Variants in KIF23 observed in about 807,000 individuals in gnomAD.
The protein encoded by KIF23 is kinesin family member 23.
A neutral mutation model predicts 137.5 loss-of-function variants in KIF23; 30 were observed. The ratio of observed to expected loss-of-function variants is 0.22; its 90% CI spans 0.16 to 0.30. The LOEUF is 0.30. KIF23 is among the 10% of genes least tolerant of loss of function. The probability of loss-of-function intolerance (pLI) is 1.00; values close to 1 mark genes in which losing one functional copy is unlikely to be tolerated. For missense variants in KIF23, 920 were observed against 1,194.3 expected (o/e 0.77, Z 3.38); for synonymous variants, 367 against 391.1 (o/e 0.94, Z 0.73).
chr15:69,416,320 A>G (rs1047870541), intron 2 of KIF23, among the ~76,000 whole-genome samples: 4 of 152,170 alleles, frequency 2.6e-5, no homozygotes, highest in African/African-American at 9.7e-5. Context: ...TATAATTTGG[A>G]GAGTTAGATA....
chr15:69,446,959 T>A lies in KIF23; in HGVS notation c.2909+18T>A. On this transcript the variant is annotated intron_variant, in intron 23 of 23. Coordinates refer to ENST00000679126, the MANE Select transcript of KIF23 (RefSeq NM_001367805.3). ...CAACCCAAGTGAGTACTGACTGTAA[T>A]TGGGGTCTTGCTGTGTGCTTTTTTC... 1 of 1,610,652 alleles carries A rather than the reference T, an allele frequency of 6.2e-7. No individual in the cohort carries two copies.
At chr15:69,419,352 G>T (rs181829642) in intron 3 of KIF23, among the ~76,000 whole-genome samples, 143 of 152,234 alleles carry the variant, frequency 9.4e-4, no homozygotes, top group Middle Eastern at 3.4e-3. Flanking sequence ...ACCTTTCAAA[G>T]AATAAAATCT....
rs1290343291 is a variant in KIF23, at chr15:69,441,065, G to A, written c.2407G>A (p.Asp803Asn). The A allele has an allele frequency of 1.9e-6, 3 of 1,610,674 alleles. No homozygotes were observed. In the South Asian group the frequency reaches 3.3e-5, roughly 18 times the overall value. The change falls in exon 19 of 24, where the codon GAT becomes AAT. Residue 803 changes from aspartate to asparagine, a missense_variant. Physicochemically the swap from Asp to Asn is conservative, Grantham distance 23 (BLOSUM62 1). Around this residue, in one of 4 missense-constraint regions of KIF23, gnomAD observed 714 missense variants for 866.2 expected, o/e 0.82. Transcript: ENST00000679126. Reference sequence around the variant, plus strand: ...CAGAAATGAGATAGAAATAGAAGAGGATCATTGCGGCAGGGTTAGTGCCAG... The same window carrying A: ...CAGAAATGAGATAGAAATAGAAGAGAATCATTGCGGCAGGGTTAGTGCCAG... ...TFRNEIEIEE[D>N]HCGRLLFQPD...
At chr15:69,415,955 TGA>T in intron 1 of KIF23, 37 bp from the exon 2 acceptor site, 1 of 1,426,834 alleles carries the variant, frequency 7.0e-7, no homozygotes, top group Non-Finnish European at 9.5e-7. Flanking sequence ...CGTGTTGAAC[TGA>T]AAAAAAAGTT....
chr15:69,443,434 G>A (rs1262685744), intron 19 of KIF23, among the ~76,000 whole-genome samples: 1 of 138,940 alleles, frequency 7.2e-6, no homozygotes, highest in African/African-American at 2.7e-5. Context: ...GACCTTCCAG[G>A]CTCAAGTGAT....
chr15:69,423,050 C>A (rs1044043840), intron 6 of KIF23, 109 bp from the exon 7 acceptor site: 1 of 716,182 alleles, frequency 1.4e-6, no homozygotes. Context: ...CCGCCTGCCT[C>A]GGCCTCCCAA....
At chr15:69,417,533 T>C (rs905303169) in intron 3 of KIF23, 22 bp downstream of exon 3, 29 of 1,602,858 alleles carry the variant, frequency 1.8e-5, no homozygotes, top group Non-Finnish European at 2.5e-5. Context: ...TTGGACCAAG[T>C]TGTTTTTACT....
intron 10 of KIF23, chr15:69,426,693 C>G (rs575966988): frequency 4.3e-6 from 2 of 464,680 alleles, no homozygotes; most frequent in East Asian, 7.3e-5. Flanking sequence ...GTAGTCCAGC[C>G]TGGGTGACAG....
chr15:69,416,462 A>C (rs1032100680), intron 2 of KIF23, among the ~76,000 whole-genome samples: 1 of 152,224 alleles, frequency 6.6e-6, no homozygotes, highest in African/African-American at 2.4e-5. Flanking sequence ...AATTATGAAG[A>C]AAAAATGAAG....
rs560614661 is a variant in KIF23 at position 69,440,955 on chromosome 15, A to G, written c.2297A>G (p.Glu766Gly). The change falls in exon 19 of 24, where the codon GAG becomes GGG. Residue 766 changes from glutamate to glycine, a missense_variant. Coordinates refer to ENST00000679126, the MANE Select transcript of KIF23 (RefSeq NM_001367805.3). Reference protein sequence around the residue: ...VTSIARRRQQEPGQSKTCIVS... With the variant: ...VTSIARRRQQGPGQSKTCIVS... Reference sequence around the variant, plus strand: ...TCTATTGCAAGGCGTAGGCAGCAGGAGCCAGGACAAAGCAAAACTTGTATC... The same window carrying G: ...TCTATTGCAAGGCGTAGGCAGCAGGGGCCAGGACAAAGCAAAACTTGTATC... 150 of 1,614,248 alleles carry G rather than the reference A, an allele frequency of 9.3e-5. No homozygotes were observed. In the Admixed American group the frequency reaches 1.5e-3, roughly 17 times the overall value.
intron 14 of KIF23, 118 bp downstream of exon 14, chr15:69,436,379 T>C (rs943613882): frequency 8.7e-5 from 118 of 1,358,256 alleles, no homozygotes; most frequent in Non-Finnish European, 1.1e-4. Flanking sequence ...ACCAAGCACA[T>C]AATAATTTGA....
At position 69,440,902 on chromosome 15, in the gene KIF23, T is replaced by A. The variant is rs2057602453; in HGVS notation, c.2244T>A (p.Pro748=). ...SCISEWEQKI[P]TYNTPLKVTS... is the part of the protein sequence containing the mutation. ...TTTCGGAATGGGAGCAGAAAATTCCTACGTACAACACACCTCTCAAAGTCA... is the reference window on the plus strand; with the variant it reads ...TTTCGGAATGGGAGCAGAAAATTCCAACGTACAACACACCTCTCAAAGTCA... The change falls in exon 19 of 24, where the codon CCT becomes CCA. Residue 748 remains proline (P), a synonymous_variant. Transcript: ENST00000679126. 1 of 1,614,056 alleles carries A rather than the reference T, an allele frequency of 6.2e-7. No homozygotes were observed. Among genetic ancestry groups the A allele is most frequent in the East Asian group, 2.2e-5 (1 of 44,894 alleles).
At chr15:69,425,816 T>C (rs2057174616) in intron 8 of KIF23, 1 of 169,074 alleles carries the variant, frequency 5.9e-6, no homozygotes, top group Non-Finnish European at 1.2e-5. Context: ...TAGAGCAAAT[T>C]AGAGCAAAGC....
chr15:69,437,112 A>G (rs2057502534), intron 15 of KIF23, among the ~76,000 whole-genome samples: 1 of 152,248 alleles, frequency 6.6e-6, no homozygotes, highest in South Asian at 2.1e-4. Flanking sequence ...TCTGAGTTAT[A>G]TGGTAGATTG....
At chr15:69,424,638 C>T (rs1000491164) in intron 7 of KIF23, among the ~76,000 whole-genome samples, 8 of 152,172 alleles carry the variant, frequency 5.3e-5, no homozygotes, top group South Asian at 2.1e-4. Context: ...GCTGGAACTA[C>T]AAGCACAAGC....
intron 1 of KIF23, 85 bp from the exon 2 acceptor site, chr15:69,415,909 A>G: frequency 1.0e-6 from 1 of 954,350 alleles, no homozygotes; most frequent in Non-Finnish European, 1.5e-6. Context: ...GATAACCTAG[A>G]AAGATTGTAT....
chr15:69,423,768 C>T (rs901504428), intron 7 of KIF23, among the ~76,000 whole-genome samples: 1 of 152,138 alleles, frequency 6.6e-6, no homozygotes, highest in African/African-American at 2.4e-5. Flanking sequence ...TACATATCTT[C>T]TATCATTCAT....
At chr15:69,426,761 A>T (rs2057203780) in intron 10 of KIF23, 1 of 280,676 alleles carries the variant, frequency 3.6e-6, no homozygotes. Context: ...TGCAATGAAG[A>T]TTGCTCTAGA....
chr15:69,425,316 G>C lies in KIF23; in HGVS notation c.769G>C (p.Asp257His). ...TTGCAGCACACCCATGAGGAACACA[G>C]ATTTTGTGTATGTGATGGTGTTGGC... ...NSCSTPMRNT[D>H]FVPPQSKLLR... The change falls in exon 8 of 24, where the codon GAT (aspartate) becomes CAT (histidine). Residue 257 changes from aspartate to histidine, a missense_variant. Transcript: ENST00000679126. 6.5e-7 allele frequency: 1 copy of C among 1,535,900 alleles called. No individual in the cohort carries two copies. Among genetic ancestry groups the C allele is most frequent in the Non-Finnish European group, 8.7e-7 (1 of 1,146,730 alleles).
Sources: allele counts gnomAD v4.1 joint callset (sites outside exome capture counted in the v4.1 genomes callset), GRCh38; gene constraint gnomAD v4.1.1; regional missense constraint gnomAD v4.1.1; transcripts MANE v1.5; gene names NCBI Gene and HGNC (gene_info 2026-07-23, HGNC 2026-07-21).